The following NOMO2 variants were observed in gnomAD, a reference collection of about 807,000 sequenced individuals.
The protein encoded by NOMO2 is NODAL modulator 2.
Under a neutral mutation model 67.1 loss-of-function variants are expected in NOMO2, and 14 were observed. The ratio of observed to expected loss-of-function variants is 0.21; its 90% CI spans 0.14 to 0.33. NOMO2 has a LOEUF of 0.33. Among genes scored for constraint, NOMO2 ranks in the 10% least tolerant of loss-of-function variants. The pLI is 1.00. For missense variants in NOMO2, 178 were observed against 761.0 expected, an observed-to-expected ratio of 0.23 and a Z score of 9.01; for synonymous variants, 80 against 305.9, an observed-to-expected ratio of 0.26 and a Z score of 7.71.
chr16:18,529,094 T>C (rs1292099434), intron 15 of NOMO2, among the ~76,000 whole-genome samples: 51 of 134,460 alleles, frequency 3.8e-4, no homozygotes, highest in South Asian at 2.8e-3. Context: ...GACACTTTGA[T>C]ACCTAAGAGG....
Position 18,561,936 on chromosome 16 carries a change from G to T in NOMO2, c.105C>A (p.Ile35=). 1 of 1,578,686 alleles carries T rather than the reference G, an allele frequency of 6.3e-7. No homozygotes were observed. The highest frequency in any genetic ancestry group is 8.6e-7 in the Non-Finnish European group (1 of 1,164,420). Residue 35 remains isoleucine (I), a synonymous_variant, in exon 1 of 31, where the codon ATC becomes ATA. Coordinates refer to ENST00000622306, the MANE Select transcript of NOMO2 (RefSeq NM_173614.4). ...GVGPAHGSED[I]VVGCGGFVKS... ...TGACGAAGCCACCGCAGCCCACCACGATGTCCTCCGAGCCGTGCGCCGGCC... is the reference window on the plus strand; with the variant it reads ...TGACGAAGCCACCGCAGCCCACCACTATGTCCTCCGAGCCGTGCGCCGGCC...
At chr16:18,548,655 T>C (rs1011196036) in intron 5 of NOMO2, among the ~76,000 whole-genome samples, 7 of 152,142 alleles carry the variant, frequency 4.6e-5, no homozygotes, top group African/African-American at 1.4e-4. Flanking sequence ...ATAATGATAA[T>C]GATTTTTTCT....
At chr16:18,540,353 T>C (rs1397875995) in intron 9 of NOMO2, among the ~76,000 whole-genome samples, 2 of 151,710 alleles carry the variant, frequency 1.3e-5, no homozygotes, top group African/African-American at 4.8e-5. Flanking sequence ...GCTGGGCACC[T>C]ACTATGTGCC....
intron 5 of NOMO2, among the ~76,000 whole-genome samples, chr16:18,547,569 C>A (rs1901681339): frequency 6.6e-6 from 1 of 152,036 alleles, no homozygotes. Context: ...TCAAGGATTT[C>A]TGGCATAAAA....
chr16:18,552,469 GCACACA>G (rs201636709), intron 3 of NOMO2, among the ~76,000 whole-genome samples: 22 of 97,700 alleles, frequency 2.3e-4, no homozygotes, highest in South Asian at 4.0e-4. Flanking sequence ...ACGCGTACAT[GCACACA>G]CACACACACA....
intron 9 of NOMO2, among the ~76,000 whole-genome samples, chr16:18,539,865 G>A (rs1456804333): frequency 2.0e-5 from 3 of 152,120 alleles, no homozygotes; most frequent in Admixed American, 2.0e-4. Flanking sequence ...ACTTGCCTGT[G>A]AGCAGCACAC....
intron 16 of NOMO2, among the ~76,000 whole-genome samples, chr16:18,526,924 AAG>A (rs1901159032): frequency 6.6e-6 from 1 of 151,854 alleles, no homozygotes; most frequent in South Asian, 2.1e-4. Context: ...TCCATTATAA[AAG>A]AGAGAGAAGG....
intron 6 of NOMO2, among the ~76,000 whole-genome samples, chr16:18,544,850 G>C (rs1434284010): frequency 1.3e-5 from 2 of 151,814 alleles, no homozygotes; most frequent in Non-Finnish European, 2.9e-5. Flanking sequence ...CACAGGGCTT[G>C]TCACAAATTG....
At chr16:18,548,571 T>C (rs1190841379) in intron 5 of NOMO2, among the ~76,000 whole-genome samples, 2 of 151,896 alleles carry the variant, frequency 1.3e-5, no homozygotes, top group Non-Finnish European at 2.9e-5. Flanking sequence ...ATACATCCAT[T>C]AAATAAATGC....
chr16:18,526,709 C>T (rs1901153745), intron 16 of NOMO2, among the ~76,000 whole-genome samples: 1 of 151,772 alleles, frequency 6.6e-6, no homozygotes, highest in Non-Finnish European at 1.5e-5. Context: ...TCCATGGGGA[C>T]AGAAAATAGA....
chr16:18,558,939 A>G, intron 1 of NOMO2: 1 of 449,326 alleles, frequency 2.2e-6, no homozygotes, highest in Non-Finnish European at 4.5e-6. Context: ...TGGGAGGCCA[A>G]AGAAGGAGGA....
chr16:18,535,566 G>A (rs1830848125), intron 11 of NOMO2, among the ~76,000 whole-genome samples: 1 of 151,876 alleles, frequency 6.6e-6, no homozygotes, highest in Non-Finnish European at 1.5e-5. Flanking sequence ...GCACAGGCCT[G>A]TGGGTGTGTT....
chr16:18,543,181 ATT>A (rs71374409), intron 7 of NOMO2, among the ~76,000 whole-genome samples: 1 of 135,026 alleles, frequency 7.4e-6, no homozygotes, highest in Non-Finnish European at 1.6e-5. Flanking sequence ...ATATTCTTGA[ATT>A]TTTTTTTTTT....
chr16:18,552,380 T>C (rs2141753129), intron 3 of NOMO2, among the ~76,000 whole-genome samples: 1 of 98,878 alleles, frequency 1.0e-5, no homozygotes, highest in South Asian at 3.9e-4. Context: ...TTAGGAAGAA[T>C]ATGGAGTAAT....
chr16:18,544,557 G>A (rs1470049776), intron 6 of NOMO2, among the ~76,000 whole-genome samples: 46 of 151,784 alleles, frequency 3.0e-4, no homozygotes, highest in Middle Eastern at 3.4e-3. Context: ...TAAGACAAAC[G>A]TCCAGCTGTA....
At chr16:18,525,334 G>A (rs1368512044) in intron 16 of NOMO2, among the ~76,000 whole-genome samples, 1 of 147,904 alleles carries the variant, frequency 6.8e-6, no homozygotes, top group African/African-American at 2.5e-5. Context: ...CTGGTACACA[G>A]TGGGGAATGA....
chr16:18,529,010 T>C (rs1219627486), intron 15 of NOMO2, among the ~76,000 whole-genome samples: 13 of 22,146 alleles, frequency 5.9e-4, no homozygotes, highest in African/African-American at 1.1e-3. Context: ...TATATATATA[T>C]ATATATATAT....
chr16:18,535,378 A>T (rs1353649614), intron 11 of NOMO2, among the ~76,000 whole-genome samples: 4 of 128,778 alleles, frequency 3.1e-5, no homozygotes, highest in South Asian at 5.6e-4. Flanking sequence ...AGGCAAATGT[A>T]CTACGTCGGC....
intron 3 of NOMO2, among the ~76,000 whole-genome samples, chr16:18,553,864 T>G (rs904851122): frequency 7.1e-6 from 1 of 141,536 alleles, no homozygotes; most frequent in Non-Finnish European, 1.5e-5. Context: ...AGAGCCAAAT[T>G]AGCTGTCAGC....
Sources: gnomAD v4.1 joint callset for allele counts (sites outside exome capture counted in the v4.1 genomes callset) on GRCh38, gnomAD v4.1.1 for gene constraint, MANE v1.5 for transcripts, NCBI Gene and HGNC (gene_info 2026-07-23, HGNC 2026-07-21) for gene names.